GABRG3: variants seen among roughly 807,000 people sequenced by gnomAD.
GABRG3 encodes gamma-aminobutyric acid receptor subunit gamma-3.
In GABRG3, 25 loss-of-function variants were observed where a neutral mutation model predicts 48.8. That is an observed-to-expected ratio of 0.51 (90% confidence interval 0.37 to 0.72). The LOEUF (loss-of-function observed/expected upper bound fraction) is 0.72, where lower values mean the gene tolerates loss of function less well. Ranked by LOEUF, GABRG3 falls within the 30% of genes least tolerant of loss-of-function variation. The pLI is 0.00. For synonymous variants in GABRG3, 227 were observed against 217.6 expected, an observed-to-expected ratio of 1.04 and a Z score of -0.38; for missense variants, 394 against 577.9, an observed-to-expected ratio of 0.68 and a Z score of 3.26.
At chr15:27,017,867 G>T (rs951143969) in intron 2 of GABRG3, among the ~76,000 whole-genome samples, 1 of 152,196 alleles carries the variant, frequency 6.6e-6, no homozygotes, top group African/African-American at 2.4e-5. Context: ...TCTTGCTGGT[G>T]TCACTTTGTT....
chr15:27,254,875 A>G (rs74004753), intron 3 of GABRG3, among the ~76,000 whole-genome samples: 23,523 of 125,390 alleles, frequency 0.19, 2,567 homozygotes, highest in African/African-American at 0.32. Context: ...TTATTGAGAG[A>G]GAGAGAGACA....
At chr15:27,254,902 C>T (rs1289705144) in intron 3 of GABRG3, among the ~76,000 whole-genome samples, 1 of 151,738 alleles carries the variant, frequency 6.6e-6, no homozygotes, top group African/African-American at 2.4e-5. Flanking sequence ...GACAGACAGA[C>T]AGACATGGAA....
intron 3 of GABRG3, among the ~76,000 whole-genome samples, chr15:27,295,608 A>G (rs1891955984): frequency 1.3e-5 from 2 of 152,208 alleles, no homozygotes; most frequent in Admixed American, 1.3e-4. Flanking sequence ...TTTTAAGAGC[A>G]TCTTCAGACT....
At chr15:27,347,673 G>A (rs1259714968) in intron 5 of GABRG3, among the ~76,000 whole-genome samples, 1 of 152,186 alleles carries the variant, frequency 6.6e-6, no homozygotes, top group Non-Finnish European at 1.5e-5. Flanking sequence ...AACCTTATAG[G>A]ATTCCTGGAG....
At chr15:27,485,250 G>A (rs1026894913) in intron 6 of GABRG3, among the ~76,000 whole-genome samples, 8 of 152,102 alleles carry the variant, frequency 5.3e-5, no homozygotes, top group Admixed American at 2.6e-4. Context: ...TTGGGTTGGC[G>A]CATCAGTGAA....
chr15:27,483,156 C>G (rs376949852), intron 6 of GABRG3: 1 of 152,150 alleles, frequency 6.6e-6, no homozygotes, highest in Non-Finnish European at 1.5e-5. Flanking sequence ...ACAGAAACAA[C>G]GTGTTGTCTC....
At chr15:27,250,845 G>T (rs1890431358) in intron 3 of GABRG3, among the ~76,000 whole-genome samples, 1 of 152,210 alleles carries the variant, frequency 6.6e-6, no homozygotes, top group Admixed American at 6.5e-5. Flanking sequence ...GGGTGGCAAG[G>T]AGAGGACGTG....
chr15:27,130,221 T>G (rs1897892583), intron 3 of GABRG3, among the ~76,000 whole-genome samples: 1 of 152,130 alleles, frequency 6.6e-6, no homozygotes, highest in East Asian at 1.9e-4. Context: ...TTGAATCAAT[T>G]TTTGTATGTG....
intron 3 of GABRG3, among the ~76,000 whole-genome samples, chr15:27,248,778 A>ACG (rs1463894118): frequency 7.6e-5 from 8 of 105,148 alleles, no homozygotes; most frequent in Non-Finnish European, 1.3e-4. Flanking sequence ...ACACACACAC[A>ACG]CACACACACA....
intron 2 of GABRG3, among the ~76,000 whole-genome samples, chr15:27,009,682 C>T (rs1313453501): frequency 6.6e-6 from 1 of 152,186 alleles, no homozygotes; most frequent in Non-Finnish European, 1.5e-5. Flanking sequence ...GAGGCCCAAA[C>T]AGTATCATCA....
At chr15:27,308,776 A>T (rs1337846729) in intron 3 of GABRG3, among the ~76,000 whole-genome samples, 1 of 150,144 alleles carries the variant, frequency 6.7e-6, no homozygotes. Flanking sequence ...ACGTTTATAT[A>T]TAAAACACAA....
chr15:27,472,220 T>C (rs2150840917), intron 5 of GABRG3, among the ~76,000 whole-genome samples: 1 of 152,266 alleles, frequency 6.6e-6, no homozygotes, highest in Non-Finnish European at 1.5e-5. Context: ...ATATTTCTAC[T>C]AGTTTATTAA....
At chr15:27,479,150 A>G (rs7167588) in intron 5 of GABRG3, among the ~76,000 whole-genome samples, 91,362 of 151,746 alleles carry the variant, frequency 0.6, 28,031 homozygotes, top group African/African-American at 0.72. Context: ...CCTGATTTGG[A>G]CACATTAAAT....
intron 3 of GABRG3, among the ~76,000 whole-genome samples, chr15:27,132,486 T>TG (rs1447624885): frequency 2.7e-5 from 4 of 146,770 alleles, no homozygotes; most frequent in Non-Finnish European, 6.0e-5. Flanking sequence ...TTTTTTTTTT[T>TG]TTTTTTTTTT....
intron 3 of GABRG3, among the ~76,000 whole-genome samples, chr15:27,168,195 C>T (rs1887443924): frequency 6.6e-6 from 1 of 151,616 alleles, no homozygotes. Flanking sequence ...TCCAAAACCA[C>T]TTGATGTCAT....
At chr15:27,451,597 A>G (rs980109227) in intron 5 of GABRG3, among the ~76,000 whole-genome samples, 1 of 152,180 alleles carries the variant, frequency 6.6e-6, no homozygotes, top group Non-Finnish European at 1.5e-5. Flanking sequence ...GGAAGAAAAC[A>G]TATGGGGAAA....
chr15:26,995,550 T>G (rs138617738), intron 2 of GABRG3, among the ~76,000 whole-genome samples: 1,999 of 152,032 alleles, frequency 0.013, 29 homozygotes, highest in Non-Finnish European at 0.02. Context: ...TCTTTTTTTT[T>G]TTGTTAAGTG....
chr15:27,194,937 G>A (rs1051055983), intron 3 of GABRG3, among the ~76,000 whole-genome samples: 2 of 151,432 alleles, frequency 1.3e-5, no homozygotes, highest in African/African-American at 4.9e-5. Flanking sequence ...GAGAATGTTT[G>A]TTTGTTTATT....
intron 3 of GABRG3, among the ~76,000 whole-genome samples, chr15:27,241,467 C>T (rs1410771885): frequency 6.6e-6 from 1 of 152,142 alleles, no homozygotes; most frequent in African/African-American, 2.4e-5. Flanking sequence ...GAGTGTGACT[C>T]CTTTCTAGGA....
Sources: allele counts gnomAD v4.1 joint callset (sites outside exome capture counted in the v4.1 genomes callset), GRCh38; gene constraint gnomAD v4.1.1; transcripts MANE v1.5; gene names NCBI Gene and HGNC (gene_info 2026-07-23, HGNC 2026-07-21).